MYO3A: variants seen among roughly 807,000 people sequenced by gnomAD.
MYO3A encodes myosin IIIA, also known as myosin-IIIa.
In MYO3A, 180 loss-of-function variants were observed where a neutral mutation model predicts 192.7. The ratio of observed to expected loss-of-function variants is 0.93; its 90% CI spans 0.83 to 1.06. The LOEUF (loss-of-function observed/expected upper bound fraction) is 1.06, where lower values mean the gene tolerates loss of function less well. Ranked by LOEUF, MYO3A falls within the 50% of genes least tolerant of loss-of-function variation. MYO3A has a pLI of 0.00. For missense variants in MYO3A, 1,896 were observed against 1,905.0 expected (o/e 1.00, Z 0.09); for synonymous variants, 628 against 645.3 (o/e 0.97, Z 0.41).
intron 34 of MYO3A, among the ~76,000 whole-genome samples, chr10:26,206,214 C>T (rs1843931167): frequency 6.6e-6 from 1 of 151,750 alleles, no homozygotes; most frequent in Non-Finnish European, 1.5e-5. Context: ...GTGCATGCCA[C>T]TCTGCCCGGC....
intron 32 of MYO3A, among the ~76,000 whole-genome samples, chr10:26,199,675 A>T (rs1843590051): frequency 6.6e-6 from 1 of 152,166 alleles, no homozygotes; most frequent in South Asian, 2.1e-4. Context: ...ACCAACTTAT[A>T]TACACCATGT....
chr10:26,100,997 G>C (rs897859454), intron 17 of MYO3A, among the ~76,000 whole-genome samples: 1 of 152,182 alleles, frequency 6.6e-6, no homozygotes, highest in Non-Finnish European at 1.5e-5. Context: ...ACAGTGGGGT[G>C]TTAAAGTCTC....
chr10:26,193,187 T>G lies in MYO3A; in HGVS notation c.4439-18T>G. The stretch of plus-strand genomic sequence containing the variant: ...GTATTTGTAATTAAATACTTGTTTA[T>G]GATCACCTTTCTTATAGGTGTCTGT... On this transcript the variant is annotated intron_variant, in intron 31 of 34. Transcript: ENST00000642920. 1 of 1,552,576 alleles carries G rather than the reference T, an allele frequency of 6.4e-7. No individual in the cohort carries two copies. The highest frequency in any genetic ancestry group is 8.9e-7 in the Non-Finnish European group (1 of 1,124,264).
chr10:26,084,133 T>C (rs1836153452), intron 14 of MYO3A, among the ~76,000 whole-genome samples: 1 of 152,218 alleles, frequency 6.6e-6, no homozygotes, highest in African/African-American at 2.4e-5. Flanking sequence ...GCTTCCACTT[T>C]TAAAATTAAA....
rs757768701 is a variant in MYO3A at position 26,120,744 on chromosome 10, G to A, written c.1845G>A (p.Val615=). ...TTGGCAACATTGAATTTTCTTCTGTGGCAACTGAACACCAGATTGACAAGA... is the reference window on the plus strand; with the variant it reads ...TTGGCAACATTGAATTTTCTTCTGTAGCAACTGAACACCAGATTGACAAGA... ...LNVGNIEFSS[V]ATEHQIDKSH... The change falls in exon 18 of 35, where the codon GTG becomes GTA. Residue 615 remains valine, a synonymous_variant. Transcript: ENST00000642920. 14 of 1,613,976 alleles carry A rather than the reference G, an allele frequency of 8.7e-6. 1 individual carries two copies. Among genetic ancestry groups the A allele is most frequent in the Non-Finnish European group, 1.2e-5 (14 of 1,179,962 alleles).
At chr10:26,200,423 T>G (rs1256092665) in intron 32 of MYO3A, among the ~76,000 whole-genome samples, 1 of 152,222 alleles carries the variant, frequency 6.6e-6, no homozygotes, top group Non-Finnish European at 1.5e-5. Flanking sequence ...TATCTTCAGT[T>G]TGTTCAAGGT....
chr10:25,945,767 A>G (rs1836794594), intron 2 of MYO3A, among the ~76,000 whole-genome samples: 1 of 152,062 alleles, frequency 6.6e-6, no homozygotes, highest in African/African-American at 2.4e-5. Flanking sequence ...AGAAGAACTT[A>G]CCATTATCAT....
Position 26,211,856 on chromosome 10 carries a change from G to T in MYO3A, c.4744G>T (p.Glu1582Ter), listed in dbSNP as rs1260004499. 3 of 1,614,082 alleles carry T rather than the reference G, an allele frequency of 1.9e-6. No individual in the cohort carries two copies. Among genetic ancestry groups the T allele is most frequent in the African/African-American group, 2.7e-5 (2 of 75,050 alleles). The change falls in exon 35 of 35, where the codon GAG (glutamate) becomes TAG (stop). Residue 1582 changes from glutamate to a stop codon, truncating the protein, a stop_gained. Coordinates refer to ENST00000642920, the MANE Select transcript of MYO3A (RefSeq NM_017433.5). LOFTEE classifies it high-confidence loss of function. ...TTTCACTTGCAGGTGCTGGGCGGCG[G>T]AGAGCCCCGAGAAGGAGGAGGAGAG... ...IKANERCWAA[E>*]SPEKEEEREP...
intron 18 of MYO3A, among the ~76,000 whole-genome samples, chr10:26,122,227 T>G (rs1838917290): frequency 6.6e-6 from 1 of 152,188 alleles, no homozygotes; most frequent in Non-Finnish European, 1.5e-5. Flanking sequence ...AAAATGATTT[T>G]GATGATTGAG....
intron 29 of MYO3A, 22 bp from the exon 30 acceptor site, chr10:26,173,641 A>G: frequency 6.2e-7 from 1 of 1,601,888 alleles, no homozygotes; most frequent in Non-Finnish European, 8.5e-7. Context: ...CTGTATATTC[A>G]AAGATAATAT....
chr10:26,088,665 G>A (rs550351344), intron 15 of MYO3A, among the ~76,000 whole-genome samples: 45 of 152,100 alleles, frequency 3.0e-4, no homozygotes, highest in Non-Finnish European at 5.1e-4. Flanking sequence ...TACTAACAGC[G>A]TAAATTAGAG....
chr10:26,042,622 G>T (rs1458588708), intron 10 of MYO3A, among the ~76,000 whole-genome samples: 2 of 152,030 alleles, frequency 1.3e-5, no homozygotes, highest in Admixed American at 6.6e-5. Context: ...TATGTCAATT[G>T]CATTTTTCAA....
intron 26 of MYO3A, among the ~76,000 whole-genome samples, chr10:26,164,162 G>A (rs74129113): frequency 0.097 from 14,693 of 151,626 alleles, 788 homozygotes; most frequent in Non-Finnish European, 0.12. Context: ...GTGATGGGAA[G>A]TGAAGACGAT....
At chr10:26,199,323 T>C (rs1460440369) in intron 32 of MYO3A, among the ~76,000 whole-genome samples, 3 of 151,846 alleles carry the variant, frequency 2.0e-5, no homozygotes, top group Non-Finnish European at 2.9e-5. Flanking sequence ...GAGGCCGAGG[T>C]GGGTGGATTG....
At chr10:26,175,004 G>A (rs1482904001) in intron 30 of MYO3A, among the ~76,000 whole-genome samples, 4 of 152,196 alleles carry the variant, frequency 2.6e-5, no homozygotes, top group African/African-American at 9.6e-5. Context: ...AGCATATACA[G>A]TGAAGATGAA....
At chr10:25,966,618 A>G (rs1317802219) in intron 4 of MYO3A, among the ~76,000 whole-genome samples, 1 of 152,214 alleles carries the variant, frequency 6.6e-6, no homozygotes, top group Non-Finnish European at 1.5e-5. Flanking sequence ...ATTCTTTGAA[A>G]TAGCCCCCAA....
At chr10:26,048,035 A>G (rs1333994181) in intron 10 of MYO3A, among the ~76,000 whole-genome samples, 1 of 152,192 alleles carries the variant, frequency 6.6e-6, no homozygotes, top group Non-Finnish European at 1.5e-5. Flanking sequence ...ACAGTACCTT[A>G]CTGGAAAATT....
At chr10:26,191,688 T>C (rs1045320570) in intron 31 of MYO3A, among the ~76,000 whole-genome samples, 2 of 152,226 alleles carry the variant, frequency 1.3e-5, no homozygotes, top group African/African-American at 4.8e-5. Context: ...TATGAATACT[T>C]CTGTGATCAG....
chr10:26,039,013 G>C (rs1388817085), intron 10 of MYO3A, among the ~76,000 whole-genome samples: 2 of 148,508 alleles, frequency 1.3e-5, no homozygotes, highest in Non-Finnish European at 3.0e-5. Flanking sequence ...TGGTCATAAT[G>C]AATGAGTTTT....
Sources: allele counts gnomAD v4.1 joint callset (sites outside exome capture counted in the v4.1 genomes callset), GRCh38; gene constraint gnomAD v4.1.1; transcripts MANE v1.5; gene names NCBI Gene and HGNC (gene_info 2026-07-23, HGNC 2026-07-21).